VPS50: variants seen among roughly 807,000 people sequenced by gnomAD.
VPS50 encodes the protein syndetin.
Under a neutral mutation model 139.7 loss-of-function variants are expected in VPS50, and 70 were observed. The observed-to-expected ratio is 0.50, with a 90% confidence interval of 0.41 to 0.61. The LOEUF (loss-of-function observed/expected upper bound fraction) is 0.61, where lower values mean the gene tolerates loss of function less well. VPS50 is among the 20% of genes least tolerant of loss of function. The pLI is 0.00. For synonymous variants in VPS50, 365 were observed against 376.7 expected (o/e 0.97, Z 0.36); for missense variants, 921 against 1,133.7 (o/e 0.81, Z 2.69).
chr7:93,290,153 A>G (rs1472072248), intron 12 of VPS50, among the ~76,000 whole-genome samples: 1 of 151,906 alleles, frequency 6.6e-6, no homozygotes, highest in African/African-American at 2.4e-5. Context: ...GAATTCTTTT[A>G]TTGTTTGAAT....
intron 2 of VPS50, among the ~76,000 whole-genome samples, chr7:93,242,631 T>A (rs182254686): frequency 2.6e-5 from 4 of 152,104 alleles, no homozygotes; most frequent in Admixed American, 2.0e-4. Context: ...GGAAAACTTA[T>A]AAACATTAAC....
chr7:93,337,991 T>C lies in VPS50; in HGVS notation c.2059-3436T>C, dbSNP rs17165274. Among the ~76,000 whole-genome samples, 524 of 152,280 alleles carry C rather than the reference T, an allele frequency of 3.4e-3. 4 individuals carry two copies. Among genetic ancestry groups the C allele is most frequent in the African/African-American group, 0.012 (508 of 41,566 alleles). ...TCTACCTCTTTTGGACCACTTTGAG[T>C]AGCCACCCATTTTGCCCAAGTAAGT... On this transcript the variant is annotated intron_variant, in intron 22 of 27. Coordinates refer to ENST00000305866, the MANE Select transcript of VPS50 (RefSeq NM_017667.4).
At chr7:93,348,362 A>G (rs1020494372) in intron 23 of VPS50, among the ~76,000 whole-genome samples, 2 of 152,162 alleles carry the variant, frequency 1.3e-5, no homozygotes, top group Admixed American at 1.3e-4. Context: ...TGAGATCTTT[A>G]AAAGAAATCC....
intron 16 of VPS50, among the ~76,000 whole-genome samples, chr7:93,298,762 C>T (rs1796886760): frequency 6.6e-6 from 1 of 152,158 alleles, no homozygotes; most frequent in African/African-American, 2.4e-5. Context: ...TCCTCAAACA[C>T]TCAACATTTT....
At chr7:93,265,874 G>A (rs936572775) in intron 9 of VPS50, among the ~76,000 whole-genome samples, 1 of 152,120 alleles carries the variant, frequency 6.6e-6, no homozygotes, top group Non-Finnish European at 1.5e-5. Context: ...GGCAAGGTCA[G>A]GGATTTATTA....
At chr7:93,330,031 A>G (rs114711898) in intron 21 of VPS50, among the ~76,000 whole-genome samples, 2,148 of 152,258 alleles carry the variant, frequency 0.014, 44 homozygotes, top group African/African-American at 0.049. Context: ...CACTTTCTTT[A>G]TAAACCATAG....
intron 12 of VPS50, among the ~76,000 whole-genome samples, chr7:93,283,435 C>T (rs1796389445): frequency 1.3e-5 from 2 of 152,138 alleles, no homozygotes; most frequent in Middle Eastern, 6.8e-3. Flanking sequence ...GAGGTTTCAC[C>T]ATGTTGGTCA....
At chr7:93,238,069 G>A (rs1295085276) in intron 1 of VPS50, among the ~76,000 whole-genome samples, 1 of 152,160 alleles carries the variant, frequency 6.6e-6, no homozygotes, top group East Asian at 1.9e-4. Context: ...TATTTTAGGG[G>A]TGGTCATGAT....
intron 21 of VPS50, among the ~76,000 whole-genome samples, chr7:93,329,864 A>C (rs1308832480): frequency 6.6e-6 from 1 of 152,210 alleles, no homozygotes; most frequent in Admixed American, 6.5e-5. Context: ...AAATACTAAG[A>C]GAATTTGTCA....
intron 1 of VPS50, among the ~76,000 whole-genome samples, chr7:93,233,460 T>G (rs1314131284): frequency 6.6e-6 from 1 of 152,238 alleles, no homozygotes; most frequent in African/African-American, 2.4e-5. Context: ...CAAAAATAAC[T>G]CAAATTCCAC....
At chr7:93,311,950 C>T (rs1797281477) in intron 20 of VPS50, among the ~76,000 whole-genome samples, 1 of 151,864 alleles carries the variant, frequency 6.6e-6, no homozygotes, top group South Asian at 2.1e-4. Context: ...CTTCATTGTT[C>T]CAAGCAGGAA....
intron 2 of VPS50, among the ~76,000 whole-genome samples, chr7:93,243,601 A>T (rs1354905938): frequency 6.6e-6 from 1 of 151,992 alleles, no homozygotes; most frequent in Non-Finnish European, 1.5e-5. Context: ...TGGGATTTTC[A>T]TGCAGAGTTA....
At chr7:93,262,676 G>A (rs1037768178) in intron 9 of VPS50, among the ~76,000 whole-genome samples, 1 of 152,208 alleles carries the variant, frequency 6.6e-6, no homozygotes, top group African/African-American at 2.4e-5. Flanking sequence ...TTAACTTGGT[G>A]ATTTAGTGAC....
intron 2 of VPS50, among the ~76,000 whole-genome samples, chr7:93,245,455 T>G (rs1795121069): frequency 6.6e-6 from 1 of 151,768 alleles, no homozygotes; most frequent in Non-Finnish European, 1.5e-5. Flanking sequence ...TGATGAGATG[T>G]TCGAAAACAA....
chr7:93,287,002 T>C (rs1477956921), intron 12 of VPS50, among the ~76,000 whole-genome samples: 2 of 151,262 alleles, frequency 1.3e-5, no homozygotes, highest in Non-Finnish European at 2.9e-5. Context: ...TGTTTTTTTT[T>C]TTTTTTTAAA....
chr7:93,256,494 T>G lies in VPS50; in HGVS notation c.298-15T>G. 7.9e-7 allele frequency: 1 copy of G among 1,266,474 alleles called. No homozygotes were observed. Among genetic ancestry groups the G allele is most frequent in the Non-Finnish European group, 1.1e-6 (1 of 921,298 alleles). 78.5% of individuals were successfully genotyped at this position (1,266,474 alleles called of 1,614,324 possible). The stretch of plus-strand genomic sequence containing the variant: ...TGTTCTTTTATTTCCTTTGTTTGAT[T>G]ACATCTTCTTATAGGTATCTAAAAA... On this transcript the variant is annotated splice_polypyrimidine_tract_variant and intron_variant, in intron 4 of 27. Coordinates refer to ENST00000305866, the MANE Select transcript of VPS50 (RefSeq NM_017667.4).
At chr7:93,268,432 A>G (rs752131943) in intron 9 of VPS50, among the ~76,000 whole-genome samples, 1 of 152,020 alleles carries the variant, frequency 6.6e-6, no homozygotes, top group Non-Finnish European at 1.5e-5. Context: ...CCTATCACCT[A>G]GGTATTAAAT....
intron 20 of VPS50, among the ~76,000 whole-genome samples, chr7:93,316,410 G>A (rs1037898297): frequency 1.3e-5 from 2 of 152,174 alleles, no homozygotes; most frequent in Admixed American, 6.5e-5. Flanking sequence ...TTGGCTAAGG[G>A]GAAACTGGAG....
chr7:93,326,428 C>A, intron 21 of VPS50, among the ~76,000 whole-genome samples: 1 of 142,512 alleles, frequency 7.0e-6, no homozygotes, highest in Non-Finnish European at 1.5e-5. Context: ...GCACATGTAC[C>A]CTAAAACTTA....
Sources: allele counts gnomAD v4.1 joint callset (sites outside exome capture counted in the v4.1 genomes callset), GRCh38; gene constraint gnomAD v4.1.1; transcripts MANE v1.5; gene names NCBI Gene and HGNC (gene_info 2026-07-23, HGNC 2026-07-21).